Variants in ERO1B observed in about 807,000 individuals in gnomAD.
ERO1B encodes the protein endoplasmic reticulum oxidoreductase 1 beta.
In ERO1B, 49 loss-of-function variants were observed where a neutral mutation model predicts 75.3. The observed-to-expected ratio is 0.65, with a 90% CI of 0.52 to 0.83. The LOEUF is 0.83. ERO1B is among the 40% of genes least tolerant of loss of function. The probability of loss-of-function intolerance (pLI) is 0.00; values close to 1 mark genes in which losing one functional copy is unlikely to be tolerated. For missense variants in ERO1B, 512 were observed against 560.1 expected, an observed-to-expected ratio of 0.91 and a Z score of 0.87; for synonymous variants, 191 against 192.9, an observed-to-expected ratio of 0.99 and a Z score of 0.08.
intron 13 of ERO1B, among the ~76,000 whole-genome samples, chr1:236,222,835 T>C (rs1664188131): frequency 6.6e-6 from 1 of 152,208 alleles, no homozygotes; most frequent in South Asian, 2.1e-4. Context: ...GTGACACATA[T>C]GGTCCCACAG....
At chr1:236,272,708 C>CT (rs1665624222) in intron 1 of ERO1B, among the ~76,000 whole-genome samples, 1 of 152,210 alleles carries the variant, frequency 6.6e-6, no homozygotes, top group African/African-American at 2.4e-5. Flanking sequence ...ATCTACCTCC[C>CT]TCTCCCTAAA....
At chr1:236,281,561 A>G (rs1665829989) in intron 1 of ERO1B, 121 bp downstream of exon 1, 2 of 551,566 alleles carry the variant, frequency 3.6e-6, no homozygotes, top group Non-Finnish European at 5.4e-6. Flanking sequence ...TCTGCTCGCC[A>G]GAAATCACCT....
chr1:236,235,416 A>G (rs1664515655), intron 8 of ERO1B, among the ~76,000 whole-genome samples: 2 of 152,240 alleles, frequency 1.3e-5, no homozygotes, highest in Non-Finnish European at 2.9e-5. Context: ...AGTTTAAAAA[A>G]TAACAATGCC....
intron 2 of ERO1B, among the ~76,000 whole-genome samples, chr1:236,268,541 C>G (rs1299531553): frequency 6.6e-6 from 1 of 152,090 alleles, no homozygotes; most frequent in Non-Finnish European, 1.5e-5. Context: ...CACTTGAAGC[C>G]AGGAATTTGA....
intron 15 of ERO1B, 94 bp from the exon 16 acceptor site, chr1:236,218,670 AAAACCTAAAATAAAAAACC>A: frequency 9.2e-7 from 1 of 1,085,926 alleles, no homozygotes; most frequent in Non-Finnish European, 1.2e-6. Context: ...ATTTGAAAGC[AAAACCTAAAATAAAAAACC>A]TCAAACACTG....
intron 9 of ERO1B, 49 bp downstream of exon 9, chr1:236,232,779 C>G: frequency 6.4e-7 from 1 of 1,554,082 alleles, no homozygotes; most frequent in Non-Finnish European, 8.7e-7. Flanking sequence ...CTGATTGTTA[C>G]AAAAAATTTC....
chr1:236,231,300 T>C (rs1257280148), intron 9 of ERO1B, among the ~76,000 whole-genome samples: 1 of 152,128 alleles, frequency 6.6e-6, no homozygotes, highest in Non-Finnish European at 1.5e-5. Flanking sequence ...GGTCAAGGGA[T>C]ACAAAATTTC....
chr1:236,251,914 G>C (rs376489959), intron 4 of ERO1B, 136 bp downstream of exon 4: 1 of 645,212 alleles, frequency 1.5e-6, no homozygotes, highest in Admixed American at 2.9e-5. Context: ...AAGAGTTAGG[G>C]ATTTGGAATT....
At chr1:236,227,581 T>A (rs574693079) in intron 10 of ERO1B, among the ~76,000 whole-genome samples, 17 of 152,242 alleles carry the variant, frequency 1.1e-4, no homozygotes, top group African/African-American at 4.1e-4. Flanking sequence ...TACACGGCCA[T>A]GAGCTTTTCC....
chr1:236,253,067 G>C (rs1217472015), intron 3 of ERO1B, among the ~76,000 whole-genome samples: 1 of 151,140 alleles, frequency 6.6e-6, no homozygotes, highest in Non-Finnish European at 1.5e-5. Flanking sequence ...CCAGTAGCTT[G>C]TTTTTATTTT....
intron 15 of ERO1B, 30 bp downstream of exon 15, chr1:236,220,802 C>T (rs1664119966): frequency 1.3e-6 from 2 of 1,515,198 alleles, no homozygotes; most frequent in East Asian, 2.4e-5. Context: ...AATGGGAAAT[C>T]AAAAATCTTC....
chr1:236,259,686 C>G (rs1329904516), intron 2 of ERO1B, among the ~76,000 whole-genome samples: 2 of 142,696 alleles, frequency 1.4e-5, no homozygotes, highest in African/African-American at 5.0e-5. Flanking sequence ...CAAGAAGTTA[C>G]AAAAACTAAA....
At chr1:236,246,658 G>A (rs1309960423) in intron 5 of ERO1B, among the ~76,000 whole-genome samples, 1 of 152,128 alleles carries the variant, frequency 6.6e-6, no homozygotes, top group Non-Finnish European at 1.5e-5. Flanking sequence ...AACAGAATAT[G>A]TTCTATATCA....
intron 13 of ERO1B, among the ~76,000 whole-genome samples, chr1:236,222,416 T>C (rs1038895461): frequency 1.3e-5 from 2 of 152,076 alleles, no homozygotes; most frequent in Non-Finnish European, 2.9e-5. Context: ...CCAACCCGAG[T>C]TGTGTTTTTC....
chr1:236,228,818 A>C (rs1664334247), intron 10 of ERO1B, among the ~76,000 whole-genome samples: 1 of 152,182 alleles, frequency 6.6e-6, no homozygotes, highest in Non-Finnish European at 1.5e-5. Context: ...AGCTGCCTAT[A>C]AGGGAATGCT....
At position 236,220,883 on chromosome 1, in the gene ERO1B, C is replaced by A; in HGVS notation, c.1292G>T (p.Gly431Val). Residue 431 changes from glycine (G) to valine (V), a missense_variant, in exon 15 of 16, where the codon GGC becomes GTC. By Grantham distance (109) the Gly-to-Val change is moderately radical. Transcript: ENST00000354619. ...TATTTCCTGTCGGGTGAGTTGGAAG[C>A]CTTTAGATGGACTATTCTCTGGAAG... The part of the protein sequence containing the change: ...QKLPENSPSK[G>V]FQLTRQEIVA... 2.5e-6 allele frequency: 4 copies of A among 1,601,402 alleles called. No individual in the cohort carries two copies. The South Asian group carries it at 3.4e-5, about 14-fold the overall frequency.
intron 10 of ERO1B, among the ~76,000 whole-genome samples, chr1:236,227,237 A>G (rs1030057310): frequency 4.0e-5 from 6 of 151,702 alleles, no homozygotes; most frequent in Admixed American, 6.6e-5. Flanking sequence ...TGGAAAACAG[A>G]AATCCAGGAA....
chr1:236,233,780 T>C (rs1425241138), intron 8 of ERO1B, among the ~76,000 whole-genome samples: 1 of 152,188 alleles, frequency 6.6e-6, no homozygotes, highest in Non-Finnish European at 1.5e-5. Flanking sequence ...TTTTCTCTTT[T>C]AAATTACTGC....
At chr1:236,270,439 T>C (rs191589465) in intron 1 of ERO1B, among the ~76,000 whole-genome samples, 8 of 152,318 alleles carry the variant, frequency 5.3e-5, no homozygotes, top group Admixed American at 4.6e-4. Context: ...ATTTCCTCTT[T>C]AAAAGTATTT....
Sources: gnomAD v4.1 joint callset for allele counts (sites outside exome capture counted in the v4.1 genomes callset) on GRCh38, gnomAD v4.1.1 for gene constraint, MANE v1.5 for transcripts, NCBI Gene and HGNC (gene_info 2026-07-23, HGNC 2026-07-21) for gene names.